The following LGALS8 variants were observed in gnomAD, a reference collection of about 807,000 sequenced individuals.
LGALS8 encodes the protein galectin-8.
LGALS8 carries 30 observed loss-of-function variants against 35.9 expected under a neutral mutation model. The ratio of observed to expected loss-of-function variants is 0.83; its 90% confidence interval spans 0.62 to 1.13. The LOEUF is 1.13. LGALS8 is among the 50% of genes most tolerant of loss of function. The pLI is 0.00. For missense variants in LGALS8, 366 were observed against 388.7 expected (o/e 0.94, Z 0.49); for synonymous variants, 138 against 136.1 (o/e 1.01, Z -0.10).
upstream of LGALS8, among the ~76,000 whole-genome samples, chr1:236,519,975 T>A (rs987012271): frequency 2.6e-5 from 3 of 116,364 alleles, no homozygotes; most frequent in East Asian, 2.3e-4. Context: ...TTTTTTTTTT[T>A]AGACACAGTT....
At position 236,544,772 on chromosome 1, in the gene LGALS8, G is replaced by A. The variant is rs1486912261; in HGVS notation, c.661G>A (p.Gly221Arg). 2 of 1,604,122 alleles carry A rather than the reference G, an allele frequency of 1.2e-6. No individual in the cohort carries two copies. Among genetic ancestry groups the A allele is most frequent in the Admixed American group, 1.7e-5 (1 of 58,076 alleles). ...AAGCTTTAATGTTGACCTACTAGCAGGAAAATCAAAGGATATTGCTCTACA... is the reference window on the plus strand; with the variant it reads ...AAGCTTTAATGTTGACCTACTAGCAAGAAAATCAAAGGATATTGCTCTACA... Reference protein sequence around the residue: ...AKSFNVDLLAGKSKDIALHLN... With the variant: ...AKSFNVDLLARKSKDIALHLN... Residue 221 changes from glycine to arginine, a missense_variant, in exon 9 of 10, where the codon GGA (glycine) becomes AGA (arginine). Physicochemically the swap from Gly to Arg is moderately radical, Grantham distance 125. Transcript: ENST00000366584.
At chr1:236,539,119 C>A in intron 4 of LGALS8, 30 bp downstream of exon 4, 1 of 1,571,616 alleles carries the variant, frequency 6.4e-7, no homozygotes, top group Non-Finnish European at 8.8e-7. Flanking sequence ...AGGTTGAGTC[C>A]TCATTAGTGA....
At position 236,529,537 on chromosome 1, in the gene LGALS8, G is replaced by A. The variant is rs150123335; in HGVS notation, c.45+3422G>A. On this transcript the variant is annotated intron_variant, in intron 2 of 9. Transcript: ENST00000366584. ...GTGGAGGTTGTAATGAGCCAAGATT[G>A]CACAACTGCACTGCATCCTGGGCGA... Among the ~76,000 whole-genome samples, 1,052 of 145,618 alleles carry A rather than the reference G, an allele frequency of 7.2e-3. 14 individuals carry two copies. Among genetic ancestry groups the A allele is most frequent in the African/African-American group, 0.025 (996 of 39,166 alleles).
chr1:236,533,329 C>T (rs184173317), intron 2 of LGALS8, among the ~76,000 whole-genome samples: 36 of 140,152 alleles, frequency 2.6e-4, no homozygotes, highest in Admixed American at 1.6e-3. Context: ...TTCTTTACTG[C>T]TCCCCCACCC....
Position 236,538,959 on chromosome 1 carries a change from G to A in LGALS8, c.215G>A (p.Arg72Lys), listed in dbSNP as rs1478928423. ...VAFHFNPRFK[R>K]AGCIVCNTLI... ...TTTCATTTCAATCCTCGTTTCAAAA[G>A]GGCCGGCTGCATTGTTTGCAATACT... is the stretch of plus-strand genomic sequence containing the variant. Residue 72 changes from arginine to lysine, a missense_variant, in exon 4 of 10, where the codon AGG (arginine) becomes AAG (lysine). Coordinates refer to ENST00000366584, the MANE Select transcript of LGALS8 (RefSeq NM_201544.4). 1 of 1,614,136 alleles carries A rather than the reference G, an allele frequency of 6.2e-7. No individual in the cohort carries two copies. Among genetic ancestry groups the A allele is most frequent in the East Asian group, 2.2e-5 (1 of 44,884 alleles).
chr1:236,537,624 T>C (rs1457872064), intron 3 of LGALS8, 39 bp downstream of exon 3: 1 of 1,356,746 alleles, frequency 7.4e-7, no homozygotes, highest in South Asian at 1.2e-5. Flanking sequence ...ATGAATAGGC[T>C]GTCTTTTTGT....
Position 236,526,050 on chromosome 1 carries a change from T to C in LGALS8, c.-21T>C. On this transcript the variant is annotated 5_prime_UTR_variant, in exon 2 of 10. Transcript: ENST00000366584. The surrounding 1 kb of genome is among the most constrained non-coding windows in gnomAD (Gnocchi z 4.6). The stretch of plus-strand genomic sequence containing the variant: ...AGGTCATACACAGAAGAGACTCCAA[T>C]CGACAAGAAGCTGGAAAAGAATGAT... The C allele has an allele frequency of 6.2e-7, 1 of 1,608,018 alleles. No homozygotes were observed. Among genetic ancestry groups the C allele is most frequent in the Non-Finnish European group, 8.5e-7 (1 of 1,174,928 alleles).
chr1:236,536,853 CT>C (rs111766713), intron 2 of LGALS8: 4,223 of 142,960 alleles, frequency 0.03, 174 homozygotes, highest in African/African-American at 0.097. Context: ...TGCAACAAGT[CT>C]TTTTTTTTTT....
intron 3 of LGALS8, among the ~76,000 whole-genome samples, chr1:236,538,375 A>T (rs1043565240): frequency 1.3e-5 from 2 of 152,204 alleles, no homozygotes; most frequent in Non-Finnish European, 2.9e-5. Context: ...TTAGAGAAGT[A>T]GACTCCTTCG....
upstream of LGALS8, among the ~76,000 whole-genome samples, chr1:236,520,097 C>T (rs981035854): frequency 6.6e-6 from 1 of 151,830 alleles, no homozygotes; most frequent in African/African-American, 2.4e-5. Context: ...GCTGAAATTA[C>T]AGGCATGCGC....
intron 1 of LGALS8, among the ~76,000 whole-genome samples, chr1:236,524,915 T>A (rs1277558981): frequency 6.6e-6 from 1 of 152,168 alleles, no homozygotes; most frequent in Non-Finnish European, 1.5e-5. Flanking sequence ...AAGTGATAGA[T>A]TTGATCGGTG....
chr1:236,521,617 C>G (rs1660552650), upstream of LGALS8, among the ~76,000 whole-genome samples: 1 of 152,066 alleles, frequency 6.6e-6, no homozygotes, highest in East Asian at 1.9e-4. Flanking sequence ...CACTTGAGGT[C>G]AGGAGTTCAA....
rs1662727456 is a variant in LGALS8 at position 236,551,242 on chromosome 1, A to T, written c.*3081A>T. On this transcript the variant is annotated 3_prime_UTR_variant, in exon 10 of 10. Coordinates refer to ENST00000366584, the MANE Select transcript of LGALS8 (RefSeq NM_201544.4). Reference sequence around the variant, plus strand: ...TCCCCAAAACTCAAACTTCCTAGGGATGCCACCCCTTTAGTAGCTCACACC... The same window carrying T: ...TCCCCAAAACTCAAACTTCCTAGGGTTGCCACCCCTTTAGTAGCTCACACC... The T allele has an allele frequency of 2.1e-6, 1 of 473,678 alleles. No homozygotes were observed. The highest frequency in any genetic ancestry group is 3.7e-6 in the Non-Finnish European group (1 of 268,932). 29.3% of individuals were successfully genotyped at this position (473,678 alleles called of 1,614,324 possible).
intron 9 of LGALS8, chr1:236,545,160 A>C (rs549146475): frequency 2.0e-4 from 60 of 307,666 alleles, no homozygotes; most frequent in Non-Finnish European, 3.0e-4. Context: ...ATTCCTGTGT[A>C]GCCCCATATT....
chr1:236,547,760 G>A (rs939722437), intron 9 of LGALS8, among the ~76,000 whole-genome samples: 3 of 152,212 alleles, frequency 2.0e-5, no homozygotes, highest in East Asian at 3.9e-4. Flanking sequence ...AAGGAGGGCC[G>A]CAGGCCCTGG....
chr1:236,518,305 C>T (rs1433966834), intron 1 of LGALS8: 1 of 151,968 alleles, frequency 6.6e-6, no homozygotes, highest in African/African-American at 2.4e-5. Context: ...TGAATCAGAT[C>T]ATAGGGGGTC....
chr1:236,543,162 C>G, intron 7 of LGALS8: 1 of 904,024 alleles, frequency 1.1e-6, no homozygotes, highest in South Asian at 1.5e-5. Context: ...TGTGCCGTCC[C>G]TGGACGGATT....
rs1273085777 is a variant in LGALS8 at position 236,543,695 on chromosome 1, G to A, written c.638+47G>A. 8.7e-6 allele frequency: 12 copies of A among 1,379,488 alleles called. No individual in the cohort carries two copies. The Admixed American group carries it at 1.3e-4, about 15-fold the overall frequency. 85.5% of individuals were successfully genotyped at this position (1,379,488 alleles called of 1,614,324 possible). On this transcript the variant is annotated intron_variant, in intron 8 of 9. Transcript: ENST00000366584. ...TCACAGTGCAGATACTTCCGTGCCT[G>A]TTACCGCCTTCCACCCGTGAACGGT...
intron 2 of LGALS8, among the ~76,000 whole-genome samples, chr1:236,528,950 GT>G (rs1326332627): frequency 6.6e-6 from 1 of 152,140 alleles, no homozygotes; most frequent in African/African-American, 2.4e-5. Flanking sequence ...TCTTTGACTA[GT>G]TCAACTGATA....
Sources: allele counts gnomAD v4.1 joint callset (sites outside exome capture counted in the v4.1 genomes callset), GRCh38; gene constraint gnomAD v4.1.1; non-coding constraint Gnocchi (gnomAD v3.1); transcripts MANE v1.5; gene names NCBI Gene and HGNC (gene_info 2026-07-23, HGNC 2026-07-21).